The following RP2 variants were observed in gnomAD, a reference collection of about 807,000 sequenced individuals.
RP2 encodes RP2 activator of ARL3 GTPase.
In RP2, 3 loss-of-function variants were observed where a neutral mutation model predicts 20.3. The ratio of observed to expected loss-of-function variants is 0.15; its 90% CI spans 0.07 to 0.38. The LOEUF (loss-of-function observed/expected upper bound fraction) is 0.38, where lower values mean the gene tolerates loss of function less well. RP2 is among the 10% of genes least tolerant of loss of function. The pLI is 1.00. For missense variants in RP2, 233 were observed against 268.5 expected, an observed-to-expected ratio of 0.87 and a Z score of 0.92; for synonymous variants, 75 against 94.8, an observed-to-expected ratio of 0.79 and a Z score of 1.22.
In RP2 at chrX:46,880,361, T is replaced by G. The variant is rs1175156821; in HGVS notation, c.*592T>G. The G allele has an allele frequency of 3.6e-5, 4 of 112,505 alleles. 1 individual carries two copies. The highest frequency in any genetic ancestry group is 2.9e-4 in the Admixed American group (3 of 10,514). 9.3% of individuals were successfully genotyped at this position (112,505 alleles called of 1,213,427 possible). On this transcript the variant is annotated 3_prime_UTR_variant, in exon 5 of 5. Coordinates refer to ENST00000218340, the MANE Select transcript of RP2 (RefSeq NM_006915.3). The stretch of plus-strand genomic sequence containing the variant: ...AGAAATAGGCATTTGATAACCAGCT[T>G]GGCAAGTAACTCTACTAACAGATGT...
intron 4 of RP2, among the ~76,000 whole-genome samples, chrX:46,879,061 G>GT (rs58289081): frequency 0.12 from 519 of 4,360 alleles, 9 homozygotes; most frequent in Middle Eastern, 0.5. Context: ...TCTACAAAAA[G>GT]TAAAAAAAAA....
intron 3 of RP2, among the ~76,000 whole-genome samples, chrX:46,863,557 T>A (rs782033251): frequency 2.9e-4 from 33 of 112,103 alleles, no homozygotes; most frequent in Non-Finnish European, 5.3e-4. Context: ...AAAGTGGCCA[T>A]CAGTCATTCT....
intron 1 of RP2, among the ~76,000 whole-genome samples, chrX:46,848,609 C>T (rs933099679): frequency 9.3e-6 from 1 of 107,832 alleles, no homozygotes; most frequent in Non-Finnish European, 1.9e-5. Context: ...GTCTGGAACT[C>T]CTGACCTCAG....
chrX:46,871,732 T>G lies in RP2; in HGVS notation c.884-5773T>G, dbSNP rs1332067242. 4.5e-5 allele frequency among the ~76,000 whole-genome samples: 5 copies of G among 112,167 alleles called. No individual in the cohort carries two copies. In the Admixed American group the frequency reaches 4.7e-4, roughly 11 times the overall value. ...AAGTTGGTTGATAGTGCTATTCAGG[T>G]TATCTGTATCCTTGCTGATTTTCTG... On this transcript the variant is annotated intron_variant, in intron 3 of 4. Transcript: ENST00000218340.
intron 3 of RP2, 112 bp downstream of exon 3, chrX:46,860,214 T>A: frequency 1.8e-6 from 1 of 557,664 alleles, no homozygotes; most frequent in Admixed American, 2.9e-5. Context: ...TCATTTGTTC[T>A]TTGTTTTTTT....
rs1159170260 is a variant in RP2 at position 46,853,473 on chromosome X, C to T, written c.103-3C>T. 8.3e-7 allele frequency: 1 copy of T among 1,207,404 alleles called. No individual in the cohort carries two copies. The highest frequency in any genetic ancestry group is 1.1e-6 in the Non-Finnish European group (1 of 892,798). ...ACTCAAGGTCTGTGTTTTGTTCCTG[C>T]AGGTTGATCCAAAAGACTACATGTT... On this transcript the variant is annotated splice_polypyrimidine_tract_variant and splice_region_variant and intron_variant, in intron 1 of 4. Transcript: ENST00000218340.
chrX:46,871,263 C>G (rs1925287401), intron 3 of RP2, among the ~76,000 whole-genome samples: 1 of 109,225 alleles, frequency 9.2e-6, no homozygotes, highest in African/African-American at 3.3e-5. Flanking sequence ...ATCAGGTGAT[C>G]TGCCCGCCTC....
rs397959535 is a variant in RP2 at position 46,877,703 on chromosome X, GGTGTGTGTGTGT to G, written c.969+132_969+143del. On this transcript the variant is annotated intron_variant, in intron 4 of 4. Transcript: ENST00000218340. ...CCCTAATGTTGCTTGGAATTTTTGG[GGTGTGTGTGTGT>G]GTGTGTGTGTGTGTGTGTTTAAAGC... 1.9e-5 allele frequency: 7 copies of G among 377,302 alleles called. No individual in the cohort carries two copies. The East Asian group carries it at 2.6e-4, about 14-fold the overall frequency. 31.1% of individuals were successfully genotyped at this position (377,302 alleles called of 1,213,427 possible). A position where few individuals can be genotyped will look rare whatever the true frequency, so the allele number is the denominator to read the frequency against.
chrX:46,854,200 G>T (rs1924916775), intron 2 of RP2, 59 bp downstream of exon 2: 1 of 1,082,633 alleles, frequency 9.2e-7, no homozygotes, highest in Non-Finnish European at 1.3e-6. Flanking sequence ...TACCACTCTG[G>T]AGTACTTCCA....
At chrX:46,843,005 C>CTTTTT (rs60442392) in intron 1 of RP2, among the ~76,000 whole-genome samples, 1 of 91,040 alleles carries the variant, frequency 1.1e-5, no homozygotes, top group Non-Finnish European at 2.2e-5. Context: ...CTATGTTTAA[C>CTTTTT]TTTTTTTTTT....
chrX:46,866,534 A>G (rs145407626), intron 3 of RP2, among the ~76,000 whole-genome samples: 1,223 of 111,598 alleles, frequency 0.011, 17 homozygotes, highest in African/African-American at 0.038. Flanking sequence ...TAGTATAAAT[A>G]TAATATATTT....
In RP2 at chrX:46,847,929, C is replaced by CATAT. The variant is rs10533014; in HGVS notation, c.103-5522_103-5519dup. 3.2e-3 allele frequency among the ~76,000 whole-genome samples: 263 copies of CATAT among 82,368 alleles called. 2 individuals carry two copies. Among genetic ancestry groups the CATAT allele is most frequent in the African/African-American group, 8.6e-3 (196 of 22,832 alleles). 71.5% of individuals were successfully genotyped at this position (82,368 alleles called of 115,157 possible). A position where few individuals can be genotyped will look rare whatever the true frequency, so the allele number is the denominator to read the frequency against. On this transcript the variant is annotated intron_variant, in intron 1 of 4. Transcript: ENST00000218340. ...ATATGGACTCATATATGTGTATATACATATATATATATATATATATATATA... is the reference window on the plus strand; with the variant it reads ...ATATGGACTCATATATGTGTATATACATATATATATATATATATATATATATATA...
At chrX:46,860,190 T>C in intron 3 of RP2, 88 bp downstream of exon 3, 1 of 608,889 alleles carries the variant, frequency 1.6e-6, no homozygotes, top group Non-Finnish European at 2.7e-6. Context: ...TTGTTTTACA[T>C]TGCCTTCTCT....
intron 3 of RP2, among the ~76,000 whole-genome samples, chrX:46,865,532 T>C: frequency 8.9e-6 from 1 of 111,851 alleles, no homozygotes; most frequent in Admixed American, 9.5e-5. Flanking sequence ...CTCCATTCTT[T>C]GAAAATGAGT....
intron 1 of RP2, among the ~76,000 whole-genome samples, chrX:46,844,888 G>A (rs1377167139): frequency 1.8e-5 from 2 of 112,033 alleles, no homozygotes; most frequent in Non-Finnish European, 3.8e-5. Context: ...GTGTGAGATG[G>A]TTATCTCACT....
At chrX:46,837,407 C>G (rs1347677924) in intron 1 of RP2, among the ~76,000 whole-genome samples, 1 of 111,537 alleles carries the variant, frequency 9.0e-6, no homozygotes, top group Non-Finnish European at 1.9e-5. Flanking sequence ...CTGTGGAGCT[C>G]CGGAAGGAGC....
In RP2 at chrX:46,837,307, C is replaced by T. The variant is rs1924530636; in HGVS notation, c.102+105C>T. ...GGGCCGACCCAACTGCTGCCGCACT[C>T]TCTTGAACGCGGATAGCTGAAGTCG... On this transcript the variant is annotated intron_variant, in intron 1 of 4. Transcript: ENST00000218340. 3 of 818,021 alleles carry T rather than the reference C, an allele frequency of 3.7e-6. No homozygotes were observed. The African/African-American group carries it at 6.1e-5, about 17-fold the overall frequency. The allele number at this position is 818,021 out of a possible 1,213,427, so 67.4% of individuals were successfully genotyped here. A position where few individuals can be genotyped will look rare whatever the true frequency, so the allele number is the denominator to read the frequency against.
In RP2 at chrX:46,846,149, T is replaced by C. The variant is rs1257194895; in HGVS notation, c.103-7327T>C. ...TTATCCATTCATCAGTTAAAGGACATTTGGGTTGTTTCCAATTTTGGTAAT... is the reference window on the plus strand; with the variant it reads ...TTATCCATTCATCAGTTAAAGGACACTTGGGTTGTTTCCAATTTTGGTAAT... On this transcript the variant is annotated intron_variant, in intron 1 of 4. Coordinates refer to ENST00000218340, the MANE Select transcript of RP2 (RefSeq NM_006915.3). Among the ~76,000 whole-genome samples the C allele has an allele frequency of 1.8e-5, 2 of 111,915 alleles. 1 individual carries two copies. The highest frequency in any genetic ancestry group is 1.9e-4 in the Admixed American group (2 of 10,458).
At chrX:46,872,665 T>C (rs930366684) in intron 3 of RP2, among the ~76,000 whole-genome samples, 6 of 112,310 alleles carry the variant, frequency 5.3e-5, no homozygotes, top group African/African-American at 1.9e-4. Context: ...TACTGTTGTA[T>C]ATGCTATAAA....
Sources: gnomAD v4.1 joint callset for allele counts (sites outside exome capture counted in the v4.1 genomes callset) on GRCh38, gnomAD v4.1.1 for gene constraint, MANE v1.5 for transcripts, NCBI Gene and HGNC (gene_info 2026-07-23, HGNC 2026-07-21) for gene names.